PCDHB11: variants seen among roughly 807,000 people sequenced by gnomAD.
PCDHB11 encodes protocadherin beta 11.
For synonymous variants in PCDHB11, 522 were observed against 442.0 expected (o/e 1.18, Z -2.27); for missense variants, 1,151 against 1,003.4 (o/e 1.15, Z -1.99).
At position 141,201,702 on chromosome 5, in the gene PCDHB11, T is replaced by A; in HGVS notation, c.1928T>A (p.Leu643Gln). The part of the protein sequence containing the change: ...RDAAKHRLVV[L>Q]VKDNGEPPRS... The stretch of plus-strand genomic sequence containing the variant: ...GCGGCCAAGCACAGGCTGGTGGTGC[T>A]GGTCAAGGACAATGGCGAGCCTCCG... Residue 643 changes from leucine to glutamine, a missense_variant, in exon 1 of 1, where the codon CTG becomes CAG. Physicochemically the swap from Leu to Gln is moderately radical, Grantham distance 113 (BLOSUM62 -2). Coordinates refer to ENST00000354757, the MANE Select transcript of PCDHB11 (RefSeq NM_018931.3). 6.2e-7 allele frequency: 1 copy of A among 1,607,228 alleles called. No homozygotes were observed. The highest frequency in any genetic ancestry group is 8.5e-7 in the Non-Finnish European group (1 of 1,179,630).
chr5:141,201,892 C>T lies in PCDHB11; in HGVS notation c.2118C>T (p.Leu706=). 1.2e-6 allele frequency: 2 copies of T among 1,612,972 alleles called. No individual in the cohort carries two copies. Among genetic ancestry groups the T allele is most frequent in the African/African-American group, 1.3e-5 (1 of 75,030 alleles). ...CTTCGCTCTTCCTCTTCTCGGTGCT[C>T]CTGTTCGTGGCGGTGCGGCTGTGCA... is the stretch of plus-strand genomic sequence containing the variant. ...SVSSLFLFSV[L]LFVAVRLCRR... The change falls in exon 1 of 1, where the codon CTC becomes CTT. Residue 706 remains leucine (L), a synonymous_variant. Transcript: ENST00000354757.
In PCDHB11 at chr5:141,199,963, G is replaced by T; in HGVS notation, c.189G>T (p.Gly63=). 1 of 1,614,170 alleles carries T rather than the reference G, an allele frequency of 6.2e-7. No individual in the cohort carries two copies. The highest frequency in any genetic ancestry group is 8.5e-7 in the Non-Finnish European group (1 of 1,180,052). The change falls in exon 1 of 1, where the codon GGG becomes GGT. Residue 63 remains glycine, a synonymous_variant. Transcript: ENST00000354757. ...GLKVRELSSR[G]ARVVSNDKKQ... ...AGGTGAGAGAACTGTCCTCACGGGG[G>T]GCTCGGGTGGTCTCTAATGATAAGA...
rs1241165695 is a variant in PCDHB11 at position 141,200,365 on chromosome 5, C to A, written c.591C>A (p.Asp197Glu). 1.9e-6 allele frequency: 3 copies of A among 1,614,114 alleles called. No homozygotes were observed. The highest frequency in any genetic ancestry group is 3.3e-5 in the Admixed American group (2 of 60,018). ...GGAAATACCCCGAGTTAGTTCTGGA[C>A]AAGGCGCTGGATTATGAAGAGCTCC... ...DNRKYPELVL[D>E]KALDYEELPE... is the part of the protein sequence containing the mutation. The change falls in exon 1 of 1, where the codon GAC becomes GAA. Residue 197 changes from aspartate (D) to glutamate (E), a missense_variant. Asp to Glu is a conservative substitution (Grantham distance 45). Coordinates refer to ENST00000354757, the MANE Select transcript of PCDHB11 (RefSeq NM_018931.3).
chr5:141,199,660 T>A lies in PCDHB11; in HGVS notation c.-115T>A. On this transcript the variant is annotated 5_prime_UTR_variant, in exon 1 of 1. Coordinates refer to ENST00000354757, the MANE Select transcript of PCDHB11 (RefSeq NM_018931.3). ...ACAACAAGCCTTCAAGAGGGTGACC[T>A]GGAAACCATTCAACAGGGTTAAAAT... The A allele has an allele frequency of 1.1e-6, 1 of 885,736 alleles. No homozygotes were observed. The highest frequency in any genetic ancestry group is 1.7e-6 in the Non-Finnish European group (1 of 586,856). The allele number at this position is 885,736 out of a possible 1,614,324, so 54.9% of individuals were successfully genotyped here. A position where few individuals can be genotyped will look rare whatever the true frequency, so the allele number is the denominator to read the frequency against.
chr5:141,200,175 C>A lies in PCDHB11; in HGVS notation c.401C>A (p.Ser134Ter), dbSNP rs782626028. 1 of 1,613,994 alleles carries A rather than the reference C, an allele frequency of 6.2e-7. No homozygotes were observed. Among genetic ancestry groups the A allele is most frequent in the Admixed American group, 1.7e-5 (1 of 59,990 alleles). Residue 134 changes from serine (S) to a stop codon, truncating the protein, a stop_gained, in exon 1 of 1, where the codon TCG (serine) becomes TAG (stop). Coordinates refer to ENST00000354757, the MANE Select transcript of PCDHB11 (RefSeq NM_018931.3). LOFTEE classifies it low-confidence loss of function (END_TRUNC). The part of the protein sequence containing the change: ...RDINDHSPIF[S>*]EKQMLLEIPE... ...ATAAATGATCACTCTCCCATCTTCT[C>A]GGAAAAACAAATGCTCCTAGAAATC...
In PCDHB11 at chr5:141,199,745, T is replaced by G. The variant is rs782090178; in HGVS notation, c.-30T>G. 6.3e-7 allele frequency: 1 copy of G among 1,594,932 alleles called. No individual in the cohort carries two copies. Among genetic ancestry groups the G allele is most frequent in the East Asian group, 2.2e-5 (1 of 44,684 alleles). On this transcript the variant is annotated 5_prime_UTR_variant, in exon 1 of 1. Transcript: ENST00000354757. ...AGACGCGTTCCGCAGAGCTGAAGCCTTTCTTCAAGAAGCCTACAAGAAAGG... is the reference window on the plus strand; with the variant it reads ...AGACGCGTTCCGCAGAGCTGAAGCCGTTCTTCAAGAAGCCTACAAGAAAGG...
chr5:141,199,954 C>T lies in PCDHB11; in HGVS notation c.180C>T (p.Ser60=), dbSNP rs1754123471. Residue 60 remains serine (S), a synonymous_variant, in exon 1 of 1, where the codon TCC becomes TCT. Coordinates refer to ENST00000354757, the MANE Select transcript of PCDHB11 (RefSeq NM_018931.3). ...KDLGLKVREL[S]SRGARVVSND... is the part of the protein sequence containing the mutation. ...TGGGGCTGAAGGTGAGAGAACTGTC[C>T]TCACGGGGGGCTCGGGTGGTCTCTA... is the stretch of plus-strand genomic sequence containing the variant. The T allele has an allele frequency of 2.5e-6, 4 of 1,614,010 alleles. No individual in the cohort carries two copies. Among genetic ancestry groups the T allele is most frequent in the Non-Finnish European group, 3.4e-6 (4 of 1,180,040 alleles).
chr5:141,201,694 G>A lies in PCDHB11; in HGVS notation c.1920G>A (p.Leu640=), dbSNP rs1208065162. 8.1e-6 allele frequency: 13 copies of A among 1,607,060 alleles called. No individual in the cohort carries two copies. The highest frequency in any genetic ancestry group is 1.1e-5 in the Non-Finnish European group (13 of 1,179,610). Residue 640 remains leucine, a synonymous_variant, in exon 1 of 1, where the codon CTG becomes CTA. Transcript: ENST00000354757. ...AGCGCGACGCGGCCAAGCACAGGCT[G>A]GTGGTGCTGGTCAAGGACAATGGCG... ...LSERDAAKHR[L]VVLVKDNGEP... is the part of the protein sequence containing the mutation.
chr5:141,201,838 CT>C lies in PCDHB11; in HGVS notation c.2065del (p.Tyr689ThrfsTer51). On this transcript the variant is annotated frameshift_variant, in exon 1 of 1. Coordinates refer to ENST00000354757, the MANE Select transcript of PCDHB11 (RefSeq NM_018931.3). LOFTEE classifies it low-confidence loss of function (END_TRUNC). ...AGGCCCAGGCCGACTCGCTCACCGT[CT>C]ACTTGGTGGTGGCGTTGGCCTCGGT... ...AQAQADSLTV[Y>X]LVVALASVSS... is the part of the protein sequence containing the mutation. 1 of 1,611,100 alleles carries C rather than the reference CT, an allele frequency of 6.2e-7. No individual in the cohort carries two copies. The highest frequency in any genetic ancestry group is 8.5e-7 in the Non-Finnish European group (1 of 1,179,848).
chr5:141,200,080 C>T lies in PCDHB11; in HGVS notation c.306C>T (p.Cys102=), dbSNP rs782501792. Residue 102 remains cysteine (C), a synonymous_variant, in exon 1 of 1, where the codon TGC becomes TGT. Transcript: ENST00000354757. ...AGCTCTGCGGTTCCATCGAGCCTTGCGTGCTACATTTGCAGGTGTTAATGC... is the reference window on the plus strand; with the variant it reads ...AGCTCTGCGGTTCCATCGAGCCTTGTGTGCTACATTTGCAGGTGTTAATGC... ...REELCGSIEP[C]VLHLQVLMQN... 1.9e-6 allele frequency: 3 copies of T among 1,614,082 alleles called. No individual in the cohort carries two copies. Among genetic ancestry groups the T allele is most frequent in the East Asian group, 2.2e-5 (1 of 44,874 alleles).
rs1335984848 is a variant in PCDHB11 at position 141,201,361 on chromosome 5, C to T, written c.1587C>T (p.Phe529=). 6.2e-6 allele frequency: 10 copies of T among 1,612,854 alleles called. No homozygotes were observed. In the African/African-American group the frequency reaches 9.3e-5, roughly 15 times the overall value. Reference sequence around the variant, plus strand: ...ACGAGGCCCTGCAGGCTTTCGACTTCCGCGTGGGCGCCACAGACCGCGGCT... The same window carrying T: ...ACGAGGCCCTGCAGGCTTTCGACTTTCGCGTGGGCGCCACAGACCGCGGCT... ...LDYEALQAFD[F]RVGATDRGSP... is the part of the protein sequence containing the mutation. Residue 529 remains phenylalanine (F), a synonymous_variant, in exon 1 of 1, where the codon TTC becomes TTT. Transcript: ENST00000354757.
chr5:141,200,051 G>A lies in PCDHB11; in HGVS notation c.277G>A (p.Glu93Lys). 6.2e-7 allele frequency: 1 copy of A among 1,614,198 alleles called. No individual in the cohort carries two copies. The highest frequency in any genetic ancestry group is 1.1e-5 in the South Asian group (1 of 91,084). ...DLLLSETLDR[E>K]ELCGSIEPCV... ...GCTCTTAAGTGAAACACTAGACAGGGAGGAGCTCTGCGGTTCCATCGAGCC... is the reference window on the plus strand; with the variant it reads ...GCTCTTAAGTGAAACACTAGACAGGAAGGAGCTCTGCGGTTCCATCGAGCC... Residue 93 changes from glutamate to lysine, a missense_variant, in exon 1 of 1, where the codon GAG becomes AAG. By Grantham distance (56) the Glu-to-Lys change is moderately conservative (BLOSUM62 1). Coordinates refer to ENST00000354757, the MANE Select transcript of PCDHB11 (RefSeq NM_018931.3).
chr5:141,201,307 C>A lies in PCDHB11; in HGVS notation c.1533C>A (p.Gly511=). ...TGGTCTCCATCAACACAGACAACGG[C>A]CACCTGTTCGCCCTCAGGTCGCTGG... is the stretch of plus-strand genomic sequence containing the variant. ...ASLVSINTDN[G]HLFALRSLDY... is the part of the protein sequence containing the mutation. Residue 511 remains glycine (G), a synonymous_variant, in exon 1 of 1, where the codon GGC becomes GGA. Transcript: ENST00000354757. 2 of 1,613,634 alleles carry A rather than the reference C, an allele frequency of 1.2e-6. No individual in the cohort carries two copies. The highest frequency in any genetic ancestry group is 1.7e-6 in the Non-Finnish European group (2 of 1,180,024).
chr5:141,200,160 A>T lies in PCDHB11; in HGVS notation c.386A>T (p.His129Leu), dbSNP rs577487146. The T allele has an allele frequency of 1.9e-5, 30 of 1,613,764 alleles. No homozygotes were observed. The South Asian group carries it at 2.9e-4, about 15-fold the overall frequency. Reference protein sequence around the residue: ...IELQVRDINDHSPIFSEKQML... With the variant: ...IELQVRDINDLSPIFSEKQML... ...CTTCAGGTCAGGGATATAAATGATC[A>T]CTCTCCCATCTTCTCGGAAAAACAA... The change falls in exon 1 of 1, where the codon CAC becomes CTC. Residue 129 changes from histidine to leucine, a missense_variant. His to Leu is a moderately conservative substitution (Grantham distance 99). Coordinates refer to ENST00000354757, the MANE Select transcript of PCDHB11 (RefSeq NM_018931.3).
In PCDHB11 at chr5:141,201,185, G is replaced by A. The variant is rs782357359; in HGVS notation, c.1411G>A (p.Gly471Ser). Reference sequence around the variant, plus strand: ...GAACAACAGCCCCGCCCTGCACATCGGCAGTGTCAGCGCTACAGACAGAGA... The same window carrying A: ...GAACAACAGCCCCGCCCTGCACATCAGCAGTGTCAGCGCTACAGACAGAGA... Reference protein sequence around the residue: ...RENNSPALHIGSVSATDRDSG... With the variant: ...RENNSPALHISSVSATDRDSG... The change falls in exon 1 of 1, where the codon GGC becomes AGC. Residue 471 changes from glycine to serine, a missense_variant. Transcript: ENST00000354757. 6 of 1,613,252 alleles carry A rather than the reference G, an allele frequency of 3.7e-6. No homozygotes were observed. The highest frequency in any genetic ancestry group is 5.1e-6 in the Non-Finnish European group (6 of 1,180,012).
chr5:141,201,768 G>T lies in PCDHB11; in HGVS notation c.1994G>T (p.Gly665Val), dbSNP rs782031586. Residue 665 changes from glycine to valine, a missense_variant, in exon 1 of 1, where the codon GGC (glycine) becomes GTC (valine). Gly to Val is a moderately radical substitution (Grantham distance 109). Coordinates refer to ENST00000354757, the MANE Select transcript of PCDHB11 (RefSeq NM_018931.3). ...ACGCTGCAAGTGCTCCTGGTGGACG[G>T]CTTCTCCCAGCCCTACCTGCCGCTC... ...TATLQVLLVDGFSQPYLPLPE... is the reference protein window; with the variant it reads ...TATLQVLLVDVFSQPYLPLPE... The T allele has an allele frequency of 6.2e-7, 1 of 1,609,170 alleles. No homozygotes were observed. Among genetic ancestry groups the T allele is most frequent in the Non-Finnish European group, 8.5e-7 (1 of 1,179,756 alleles).
Position 141,203,104 on chromosome 5 carries a change from T to C in PCDHB11, c.*936T>C, listed in dbSNP as rs1754244847. ...TCTTAGGTTGTTTTGTTTTGTTTTG[T>C]TTTTTGAGACGATGTTTCACTCTTG... is the stretch of plus-strand genomic sequence containing the variant. On this transcript the variant is annotated 3_prime_UTR_variant, in exon 1 of 1. Coordinates refer to ENST00000354757, the MANE Select transcript of PCDHB11 (RefSeq NM_018931.3). The C allele has an allele frequency of 6.6e-6, 1 of 150,834 alleles. No homozygotes were observed. Among genetic ancestry groups the C allele is most frequent in the African/African-American group, 2.5e-5 (1 of 40,240 alleles). 9.3% of individuals were successfully genotyped at this position (150,834 alleles called of 1,614,324 possible). A position where few individuals can be genotyped will look rare whatever the true frequency, so the allele number is the denominator to read the frequency against.
chr5:141,202,155 G>GT lies in PCDHB11; in HGVS notation c.2381_2382insT (p.Phe795IlefsTer2). 6.2e-7 allele frequency: 1 copy of GT among 1,600,446 alleles called. No individual in the cohort carries two copies. ...AACTCCACCTTTCGAAATAGCTTTG[G>GT]ATTTAATTTTTAGTAAGAATGCTAT... On this transcript the variant is annotated frameshift_variant, in exon 1 of 1. Transcript: ENST00000354757. LOFTEE classifies it high-confidence loss of function.
Position 141,199,957 on chromosome 5 carries a change from A to C in PCDHB11, c.183A>C (p.Ser61=), listed in dbSNP as rs200878592. 3 of 1,614,124 alleles carry C rather than the reference A, an allele frequency of 1.9e-6. No homozygotes were observed. In the East Asian group the frequency reaches 6.7e-5, roughly 36 times the overall value. Reference sequence around the variant, plus strand: ...GGCTGAAGGTGAGAGAACTGTCCTCACGGGGGGCTCGGGTGGTCTCTAATG... The same window carrying C: ...GGCTGAAGGTGAGAGAACTGTCCTCCCGGGGGGCTCGGGTGGTCTCTAATG... The part of the protein sequence containing the change: ...DLGLKVRELS[S]RGARVVSNDK... The change falls in exon 1 of 1, where the codon TCA becomes TCC. Residue 61 remains serine (S), a synonymous_variant. Coordinates refer to ENST00000354757, the MANE Select transcript of PCDHB11 (RefSeq NM_018931.3).
Sources: gnomAD v4.1 joint callset for allele counts on GRCh38, gnomAD v4.1.1 for gene constraint, MANE v1.5 for transcripts, NCBI Gene and HGNC (gene_info 2026-07-23, HGNC 2026-07-21) for gene names.